The following PARD3B variants were observed in gnomAD, a reference collection of about 807,000 sequenced individuals.
PARD3B encodes par-3 family cell polarity regulator beta.
PARD3B carries 103 observed loss-of-function variants against 130.2 expected under a neutral mutation model. The observed-to-expected ratio is 0.79, with a 90% CI of 0.67 to 0.93. The LOEUF is 0.93. Ranked by LOEUF, PARD3B falls within the 40% of genes least tolerant of loss-of-function variation. The pLI is 0.00. For missense variants in PARD3B, 1,609 were observed against 1,499.2 expected, an observed-to-expected ratio of 1.07 and a Z score of -1.21; for synonymous variants, 583 against 553.2, an observed-to-expected ratio of 1.05 and a Z score of -0.76.
intron 19 of PARD3B, among the ~76,000 whole-genome samples, chr2:205,435,085 T>G (rs1238212442): frequency 6.6e-6 from 1 of 152,074 alleles, no homozygotes; most frequent in Non-Finnish European, 1.5e-5. Context: ...ATTTTTTTAA[T>G]TATCTTAAAA....
chr2:204,821,720 A>G (rs1193357936), intron 2 of PARD3B, among the ~76,000 whole-genome samples: 1 of 151,972 alleles, frequency 6.6e-6, no homozygotes, highest in Non-Finnish European at 1.5e-5. Flanking sequence ...AAATTAAAAA[A>G]AAATAAAAAA....
At chr2:205,303,575 G>C (rs1199657888) in intron 18 of PARD3B, among the ~76,000 whole-genome samples, 1 of 152,102 alleles carries the variant, frequency 6.6e-6, no homozygotes, top group Non-Finnish European at 1.5e-5. Context: ...AGTACAGCTT[G>C]TTCCCACTGT....
intron 18 of PARD3B, among the ~76,000 whole-genome samples, chr2:205,343,649 A>G (rs1413911009): frequency 6.6e-6 from 1 of 152,170 alleles, no homozygotes; most frequent in Non-Finnish European, 1.5e-5. Flanking sequence ...AAAGCATCTG[A>G]CACATTTCTT....
intron 21 of PARD3B, among the ~76,000 whole-genome samples, chr2:205,522,766 AGAG>A (rs542351816): frequency 3.6e-4 from 55 of 152,316 alleles, no homozygotes; most frequent in African/African-American, 1.3e-3. Context: ...CAGCTTTTCA[AGAG>A]GAGAACAAAA....
intron 2 of PARD3B, among the ~76,000 whole-genome samples, chr2:204,889,609 T>C (rs2046378829): frequency 6.6e-6 from 1 of 152,230 alleles, no homozygotes; most frequent in African/African-American, 2.4e-5. Flanking sequence ...TCTGCCATTA[T>C]AAGAAGCAGC....
At chr2:205,513,149 C>T (rs540155900) in intron 21 of PARD3B, among the ~76,000 whole-genome samples, 14 of 152,068 alleles carry the variant, frequency 9.2e-5, no homozygotes, top group African/African-American at 2.7e-4. Context: ...AGGAGGAAAT[C>T]GTGCTCTCAC....
At chr2:204,864,884 G>A (rs540058073) in intron 2 of PARD3B, among the ~76,000 whole-genome samples, 1 of 152,218 alleles carries the variant, frequency 6.6e-6, no homozygotes, top group South Asian at 2.1e-4. Context: ...ACAATAAAAA[G>A]TACCACAAGA....
chr2:205,077,084 G>A lies in PARD3B; in HGVS notation c.505-27342G>A, dbSNP rs570273334. Among the ~76,000 whole-genome samples the A allele has an allele frequency of 3.9e-4, 60 of 152,082 alleles. 1 individual carries two copies. Among genetic ancestry groups the A allele is most frequent in the South Asian group, 2.7e-3 (13 of 4,816 alleles). On this transcript the variant is annotated intron_variant, in intron 4 of 22. Transcript: ENST00000406610. ...GAATCCGGTCCACCAATCACACATC[G>A]TTTGCTTCATTATCTTTGTCTATAT...
chr2:204,943,671 G>T lies in PARD3B; in HGVS notation c.223-21481G>T, dbSNP rs184113205. 3.7e-4 allele frequency among the ~76,000 whole-genome samples: 57 copies of T among 152,292 alleles called. No individual in the cohort carries two copies. Among genetic ancestry groups the T allele is most frequent in the Admixed American group, 1.0e-3 (16 of 15,304 alleles). On this transcript the variant is annotated intron_variant, in intron 2 of 22. Transcript: ENST00000406610. This position sits in a 1 kb window ranked among gnomAD's most constrained non-coding sequence, Gnocchi z 4.2. ...TATTGGATTCCATATTAATAGAGGT[G>T]CTTGGAGGACCAGTTAAGGAGCATA...
intron 2 of PARD3B, among the ~76,000 whole-genome samples, chr2:204,734,428 A>T (rs1403664020): frequency 6.6e-6 from 1 of 152,180 alleles, no homozygotes; most frequent in Non-Finnish European, 1.5e-5. Context: ...AATGAAACTT[A>T]TGGTCCCACA....
Position 205,570,334 on chromosome 2 carries a change from T to C in PARD3B, c.3260+16931T>C, listed in dbSNP as rs554272741. 2.9e-4 allele frequency among the ~76,000 whole-genome samples: 44 copies of C among 152,298 alleles called. No individual in the cohort carries two copies. In the South Asian group the frequency reaches 9.1e-3, roughly 32 times the overall value. ...TCACTGTAAACCCTTCTTAAAGGGGTCATTTTTTAAATCCTCACATTATAG... is the reference window on the plus strand; with the variant it reads ...TCACTGTAAACCCTTCTTAAAGGGGCCATTTTTTAAATCCTCACATTATAG... On this transcript the variant is annotated intron_variant, in intron 22 of 22. Transcript: ENST00000406610.
rs143503598 is a variant in PARD3B at position 204,700,631 on chromosome 2, C to G, written c.222+14349C>G. Among the ~76,000 whole-genome samples the G allele has an allele frequency of 3.6e-3, 555 of 152,148 alleles. 3 individuals carry two copies. Among genetic ancestry groups the G allele is most frequent in the African/African-American group, 0.013 (540 of 41,556 alleles). Reference sequence around the variant, plus strand: ...TACAAGCATGCATAAAACCTGAAATCTGCTTTGTACTTCCCATCATTTACT... The same window carrying G: ...TACAAGCATGCATAAAACCTGAAATGTGCTTTGTACTTCCCATCATTTACT... On this transcript the variant is annotated intron_variant, in intron 2 of 22. Coordinates refer to ENST00000406610, the MANE Select transcript of PARD3B (RefSeq NM_001302769.2).
At chr2:204,648,643 T>TATATATATAATATATTTATAATATATATC (rs2035362293) in intron 1 of PARD3B, among the ~76,000 whole-genome samples, 2 of 116,212 alleles carry the variant, frequency 1.7e-5, no homozygotes, top group African/African-American at 6.9e-5. Flanking sequence ...TAATATATAT[T>TATATATATAATATATTTATAATATATATC]ATATATATAA....
intron 7 of PARD3B, among the ~76,000 whole-genome samples, chr2:205,120,342 T>C (rs1405533785): frequency 6.6e-6 from 1 of 152,020 alleles, no homozygotes; most frequent in Non-Finnish European, 1.5e-5. Context: ...CAAGCAAAAA[T>C]AACATAGGGG....
At chr2:205,213,671 A>G (rs2037763861) in intron 15 of PARD3B, among the ~76,000 whole-genome samples, 1 of 152,170 alleles carries the variant, frequency 6.6e-6, no homozygotes, top group East Asian at 1.9e-4. Flanking sequence ...AGGAAAATAG[A>G]ATGAGGATAA....
chr2:204,999,996 A>G (rs968145974), intron 3 of PARD3B, among the ~76,000 whole-genome samples: 1 of 151,990 alleles, frequency 6.6e-6, no homozygotes, highest in African/African-American at 2.4e-5. Context: ...AATGAGAAAT[A>G]TAAGGAGTGT....
In PARD3B at chr2:204,569,342, T is replaced by C. The variant is rs140084523; in HGVS notation, c.120+23223T>C. Among the ~76,000 whole-genome samples the C allele has an allele frequency of 9.0e-4, 137 of 152,374 alleles. 4 individuals are homozygous for C. In the East Asian group the frequency reaches 0.022, roughly 24 times the overall value. On this transcript the variant is annotated intron_variant, in intron 1 of 22. Transcript: ENST00000406610. ...ATTTAGATGCTATATGAAACCGTAATGCCTCTCTTTAAGCTCCAATTCAGA... is the reference window on the plus strand; with the variant it reads ...ATTTAGATGCTATATGAAACCGTAACGCCTCTCTTTAAGCTCCAATTCAGA...
At chr2:204,774,214 TTTTC>T (rs2041514131) in intron 2 of PARD3B, among the ~76,000 whole-genome samples, 1 of 151,950 alleles carries the variant, frequency 6.6e-6, no homozygotes, top group Non-Finnish European at 1.5e-5. Context: ...GCTGTTTTGT[TTTTC>T]TTTATTAGCA....
intron 1 of PARD3B, among the ~76,000 whole-genome samples, chr2:204,655,113 C>A (rs544241808): frequency 5.6e-4 from 86 of 152,306 alleles, no homozygotes; most frequent in African/African-American, 1.9e-3. Context: ...GACATGTCAT[C>A]ATTTCATTGG....
Sources: gnomAD v4.1 joint callset for allele counts (sites outside exome capture counted in the v4.1 genomes callset) on GRCh38, gnomAD v4.1.1 for gene constraint, Gnocchi (gnomAD v3.1) non-coding constraint, MANE v1.5 for transcripts, NCBI Gene and HGNC (gene_info 2026-07-23, HGNC 2026-07-21) for gene names.